Variants in PACS1 observed in about 807,000 individuals in gnomAD.
PACS1 encodes the protein PACS-1.
In PACS1, 24 loss-of-function variants were observed where a neutral mutation model predicts 115.0. The observed-to-expected ratio is 0.21, with a 90% CI of 0.15 to 0.29. The LOEUF (loss-of-function observed/expected upper bound fraction) is 0.29, where lower values mean the gene tolerates loss of function less well. Ranked by LOEUF, PACS1 falls within the 10% of genes least tolerant of loss-of-function variation. PACS1 has a pLI of 1.00. For synonymous variants in PACS1, 453 were observed against 504.5 expected, an observed-to-expected ratio of 0.90 and a Z score of 1.37; for missense variants, 838 against 1,251.2, an observed-to-expected ratio of 0.67 and a Z score of 4.98.
chr11:66,161,766 C>T (rs544616532), intron 1 of PACS1, among the ~76,000 whole-genome samples: 62 of 151,976 alleles, frequency 4.1e-4, no homozygotes, highest in African/African-American at 1.3e-3. Flanking sequence ...TTTTTTCCTA[C>T]GGAAAAACCC....
intron 2 of PACS1, among the ~76,000 whole-genome samples, chr11:66,198,914 A>G (rs190775169): frequency 1.1e-4 from 16 of 152,348 alleles, no homozygotes; most frequent in African/African-American, 3.6e-4. Flanking sequence ...ATATTTTAAA[A>G]TATCTGTTTT....
intron 1 of PACS1, among the ~76,000 whole-genome samples, chr11:66,102,753 G>T (rs1446489346): frequency 6.6e-6 from 1 of 152,114 alleles, no homozygotes; most frequent in Non-Finnish European, 1.5e-5. Flanking sequence ...GAGGGAAATG[G>T]TTGTTATTTT....
At chr11:66,199,034 G>A (rs1375557749) in intron 2 of PACS1, among the ~76,000 whole-genome samples, 1 of 152,082 alleles carries the variant, frequency 6.6e-6, no homozygotes, top group Non-Finnish European at 1.5e-5. Context: ...GTGTAAAAAG[G>A]GCCGGGCGTG....
At position 66,236,765 on chromosome 11, in the gene PACS1, A is replaced by T. The variant is rs79573106; in HGVS notation, c.2250+825A>T. 2.0e-5 allele frequency among the ~76,000 whole-genome samples: 3 copies of T among 146,986 alleles called. No individual in the cohort carries two copies. The highest frequency in any genetic ancestry group is 5.0e-5 in the African/African-American group (2 of 40,174). ...AAACCAGCTTCTATCTTTTTTTATT[A>T]TTTTTTTTTTTTATGAGATGGAGTC... is the stretch of plus-strand genomic sequence containing the variant. On this transcript the variant is annotated intron_variant, in intron 19 of 23. Transcript: ENST00000320580. This position sits in a 1 kb window ranked among gnomAD's most constrained non-coding sequence, Gnocchi z 4.2.
chr11:66,117,572 C>T lies in PACS1; in HGVS notation c.356+46730C>T, dbSNP rs1858333421. ...TTAAAAGATGTTTGTTATGGCCGGG[C>T]GTGGTGGCCCATGCCTGTAATCCCA... On this transcript the variant is annotated intron_variant, in intron 1 of 23. Coordinates refer to ENST00000320580, the MANE Select transcript of PACS1 (RefSeq NM_018026.4). Among the ~76,000 whole-genome samples the T allele has an allele frequency of 1.3e-5, 2 of 152,056 alleles. 1 individual carries two copies. Among genetic ancestry groups the T allele is most frequent in the South Asian group, 4.1e-4 (2 of 4,826 alleles).
chr11:66,095,548 C>T (rs1018554218), intron 1 of PACS1, among the ~76,000 whole-genome samples: 1 of 152,218 alleles, frequency 6.6e-6, no homozygotes, highest in African/African-American at 2.4e-5. Context: ...AACTCAATCT[C>T]CTGGATTCAA....
At chr11:66,150,877 T>C (rs1033231531) in intron 1 of PACS1, among the ~76,000 whole-genome samples, 2 of 152,190 alleles carry the variant, frequency 1.3e-5, no homozygotes, top group Non-Finnish European at 2.9e-5. Flanking sequence ...GGAGCAAGAA[T>C]TGCAAGTTTG....
rs1333937163 is a variant in PACS1, at chr11:66,164,619, A to AT, written c.357-28857dup. Among the ~76,000 whole-genome samples, 707 of 94,922 alleles carry AT rather than the reference A, an allele frequency of 7.4e-3. 6 individuals are homozygous for AT. Among genetic ancestry groups the AT allele is most frequent in the African/African-American group, 0.022 (572 of 26,518 alleles). The allele number at this position is 94,922 out of a possible 152,430, so 62.3% of individuals were successfully genotyped here. On this transcript the variant is annotated intron_variant, in intron 1 of 23. Transcript: ENST00000320580. ...TAATATATAATACATATATATATGT[A>AT]TTTTTTTTTTGTAAAGACGAAGTCT... is the stretch of plus-strand genomic sequence containing the variant.
chr11:66,122,290 C>A (rs1590759331), intron 1 of PACS1, among the ~76,000 whole-genome samples: 1 of 152,210 alleles, frequency 6.6e-6, no homozygotes, highest in Non-Finnish European at 1.5e-5. Flanking sequence ...AGAAAAGATT[C>A]TTTTCAAAAT....
At chr11:66,088,159 A>G (rs1291769418) in intron 1 of PACS1, among the ~76,000 whole-genome samples, 1 of 149,256 alleles carries the variant, frequency 6.7e-6, no homozygotes. Flanking sequence ...TTCCTTTTTT[A>G]CTCTTTATAT....
At chr11:66,148,906 A>G (rs957468381) in intron 1 of PACS1, among the ~76,000 whole-genome samples, 1 of 152,130 alleles carries the variant, frequency 6.6e-6, no homozygotes, top group Non-Finnish European at 1.5e-5. Context: ...AGCCCAGGTG[A>G]CAGAGTGAGG....
rs761844417 is a variant in PACS1, at chr11:66,216,686, C to G, written c.898-9C>G. 1 of 1,613,256 alleles carries G rather than the reference C, an allele frequency of 6.2e-7. No homozygotes were observed. Among genetic ancestry groups the G allele is most frequent in the South Asian group, 1.1e-5 (1 of 91,056 alleles). Reference sequence around the variant, plus strand: ...TTCCCACCCTCATTCTGTCCCTGTACCCACTTAGGACTTGTTCTACGAAGA... The same window carrying G: ...TTCCCACCCTCATTCTGTCCCTGTAGCCACTTAGGACTTGTTCTACGAAGA... On this transcript the variant is annotated splice_polypyrimidine_tract_variant and intron_variant, in intron 6 of 23. Transcript: ENST00000320580.
At chr11:66,156,607 C>T (rs1859367036) in intron 1 of PACS1, among the ~76,000 whole-genome samples, 1 of 152,022 alleles carries the variant, frequency 6.6e-6, no homozygotes, top group Non-Finnish European at 1.5e-5. Flanking sequence ...GTAATCCCAG[C>T]ACTTTGGGAG....
At chr11:66,202,983 T>C (rs1565145420) in intron 2 of PACS1, among the ~76,000 whole-genome samples, 1 of 151,778 alleles carries the variant, frequency 6.6e-6, no homozygotes, top group Non-Finnish European at 1.5e-5. Context: ...ACCACTGTTA[T>C]TCAGTATAGT....
chr11:66,077,608 G>C (rs1857418614), intron 1 of PACS1, among the ~76,000 whole-genome samples: 1 of 152,000 alleles, frequency 6.6e-6, no homozygotes, highest in Admixed American at 6.5e-5. Flanking sequence ...TACTTTCCTT[G>C]TGTTGAGGTA....
intron 1 of PACS1, among the ~76,000 whole-genome samples, chr11:66,119,098 G>T (rs1341962805): frequency 6.6e-6 from 1 of 152,158 alleles, no homozygotes; most frequent in African/African-American, 2.4e-5. Context: ...CAAGGGAGAG[G>T]CCCCCTACTC....
At position 66,070,501 on chromosome 11, in the gene PACS1, A is replaced by G. The variant is rs1857287558; in HGVS notation, c.15A>G (p.Gly5=). The G allele has an allele frequency of 7.7e-7, 1 of 1,292,426 alleles. No homozygotes were observed. Among genetic ancestry groups the G allele is most frequent in the Non-Finnish European group, 9.7e-7 (1 of 1,027,176 alleles). The allele number at this position is 1,292,426 out of a possible 1,614,324, so 80.1% of individuals were successfully genotyped here. A position where few individuals can be genotyped will look rare whatever the true frequency, so the allele number is the denominator to read the frequency against. The change falls in exon 1 of 24, where the codon GGA becomes GGG. Residue 5 remains glycine, a synonymous_variant. Transcript: ENST00000320580. The surrounding 1 kb of genome is among the most constrained non-coding windows in gnomAD (Gnocchi z 5.9). MAER[G]GAGGGPGGAG... Reference sequence around the variant, plus strand: ...CTAGCCGGGCCATGGCGGAACGCGGAGGGGCGGGCGGTGGTCCCGGAGGCG... The same window carrying G: ...CTAGCCGGGCCATGGCGGAACGCGGGGGGGCGGGCGGTGGTCCCGGAGGCG...
At chr11:66,094,694 T>G (rs1000834519) in intron 1 of PACS1, among the ~76,000 whole-genome samples, 1 of 152,204 alleles carries the variant, frequency 6.6e-6, no homozygotes, top group African/African-American at 2.4e-5. Flanking sequence ...TAACTCATTT[T>G]ATGAGGCCAG....
rs565521216 is a variant in PACS1, at chr11:66,118,195, AC to A, written c.356+47354del. ...GTTGGTGCATATTTATGGAACATAA[AC>A]AGCATAGATGGTTAACAGATGCTAC... On this transcript the variant is annotated intron_variant, in intron 1 of 23. Coordinates refer to ENST00000320580, the MANE Select transcript of PACS1 (RefSeq NM_018026.4). 7.9e-5 allele frequency among the ~76,000 whole-genome samples: 12 copies of A among 152,364 alleles called. No individual in the cohort carries two copies. In the South Asian group the frequency reaches 2.5e-3, roughly 32 times the overall value.
Sources: gnomAD v4.1 joint callset for allele counts (sites outside exome capture counted in the v4.1 genomes callset) on GRCh38, gnomAD v4.1.1 for gene constraint, Gnocchi (gnomAD v3.1) non-coding constraint, MANE v1.5 for transcripts, NCBI Gene and HGNC (gene_info 2026-07-23, HGNC 2026-07-21) for gene names.